The following NRAP variants were observed in gnomAD, a reference collection of about 807,000 sequenced individuals.
NRAP encodes nebulin related anchoring protein, also known as nebulin-related-anchoring protein.
Under a neutral mutation model 225.9 loss-of-function variants are expected in NRAP, and 189 were observed. The observed-to-expected ratio is 0.84, with a 90% CI of 0.74 to 0.94. The LOEUF is 0.94. Ranked by LOEUF, NRAP falls within the 40% of genes least tolerant of loss-of-function variation. The pLI is 0.00. For missense variants in NRAP, 2,176 were observed against 2,168.7 expected (o/e 1.00, Z -0.07); for synonymous variants, 769 against 790.7 (o/e 0.97, Z 0.46).
intron 9 of NRAP, among the ~76,000 whole-genome samples, chr10:113,648,175 A>G (rs192720910): frequency 6.6e-6 from 1 of 152,304 alleles, no homozygotes; most frequent in East Asian, 1.9e-4. Context: ...CAGCTCCAGC[A>G]CCAGGGCTTT....
At chr10:113,604,177 C>T (rs146229438) in intron 35 of NRAP, among the ~76,000 whole-genome samples, 2 of 152,056 alleles carry the variant, frequency 1.3e-5, no homozygotes, top group Non-Finnish European at 2.9e-5. Flanking sequence ...AGTGCAGTGG[C>T]GCGATCTCAG....
chr10:113,635,308 G>A (rs1003385373), intron 14 of NRAP, among the ~76,000 whole-genome samples: 17 of 152,218 alleles, frequency 1.1e-4, no homozygotes, highest in African/African-American at 2.4e-4. Flanking sequence ...GCGATAAGGC[G>A]TGAGGCACTA....
chr10:113,615,203 A>G (rs1267109305), intron 27 of NRAP, among the ~76,000 whole-genome samples: 1 of 152,166 alleles, frequency 6.6e-6, no homozygotes, highest in Non-Finnish European at 1.5e-5. Context: ...AAGGCTTTAG[A>G]GTCAAACAGA....
At chr10:113,615,572 A>G in intron 27 of NRAP, 140 bp downstream of exon 27, 1 of 663,648 alleles carries the variant, frequency 1.5e-6, no homozygotes, top group Non-Finnish European at 2.8e-6. Context: ...CCCTTGTTCA[A>G]AAATATCACA....
intron 30 of NRAP, among the ~76,000 whole-genome samples, chr10:113,610,875 A>G (rs1284375111): frequency 6.6e-6 from 1 of 152,228 alleles, no homozygotes; most frequent in Non-Finnish European, 1.5e-5. Flanking sequence ...ACTGAAGCGG[A>G]TTGTGGTTAG....
At chr10:113,601,867 T>TTTGC (rs1846623760) in intron 35 of NRAP, among the ~76,000 whole-genome samples, 1 of 152,162 alleles carries the variant, frequency 6.6e-6, no homozygotes, top group Non-Finnish European at 1.5e-5. Context: ...ATCGAACCTC[T>TTTGC]TTGCTTTTCT....
At chr10:113,592,643 T>G (rs1013109450) in intron 38 of NRAP, among the ~76,000 whole-genome samples, 1 of 152,196 alleles carries the variant, frequency 6.6e-6, no homozygotes, top group South Asian at 2.1e-4. Context: ...GGTTTGCAGC[T>G]TCTAGGTGCC....
At position 113,617,436 on chromosome 10, in the gene NRAP, T is replaced by C. The variant is rs1293560424; in HGVS notation, c.2973+19A>G. 1.5e-6 allele frequency: 2 copies of C among 1,376,274 alleles called. No homozygotes were observed. The highest frequency in any genetic ancestry group is 2.1e-6 in the Non-Finnish European group (2 of 962,700). The allele number at this position is 1,376,274 out of a possible 1,614,324, so 85.3% of individuals were successfully genotyped here. ...AGAGCCCACTCTTAGAGTCATAATG[T>C]ATATACATTATCACTTACATCCACT... is the stretch of plus-strand genomic sequence containing the variant. On this transcript the variant is annotated intron_variant, in intron 26 of 41. Transcript: ENST00000359988.
At chr10:113,626,278 C>T in intron 20 of NRAP, 133 bp from the exon 21 acceptor site, 2 of 646,952 alleles carry the variant, frequency 3.1e-6, no homozygotes, top group Non-Finnish European at 5.3e-6. Context: ...TCTAGTTGTT[C>T]CTGCAGCTTG....
chr10:113,615,962 T>C (rs1847639937), intron 26 of NRAP, 146 bp from the exon 27 acceptor site: 2 of 647,466 alleles, frequency 3.1e-6, no homozygotes, highest in African/African-American at 1.8e-5. Context: ...ACCCAGATTT[T>C]ACAGCTAGCA....
At chr10:113,662,156 T>C (rs1372888948) in intron 3 of NRAP, among the ~76,000 whole-genome samples, 4 of 152,168 alleles carry the variant, frequency 2.6e-5, no homozygotes. Flanking sequence ...GCACTTTACA[T>C]GTGTATGTGG....
rs1848011131 is a variant in NRAP, at chr10:113,621,881, G to A, written c.2757C>T (p.Gly919=). ...MKVEWAKKAY[G]LQSDNQYRAD... is the part of the protein sequence containing the mutation. ...ACACAGAGCTTACATCACTCTGTAA[G>A]CCATAAGCCTTCTTGGCCCATTCCA... Residue 919 remains glycine (G), a synonymous_variant, in exon 24 of 42, where the codon GGC becomes GGT. Coordinates refer to ENST00000359988, the MANE Select transcript of NRAP (RefSeq NM_198060.4). 1 of 1,610,936 alleles carries A rather than the reference G, an allele frequency of 6.2e-7. No homozygotes were observed. Among genetic ancestry groups the A allele is most frequent in the Non-Finnish European group, 8.5e-7 (1 of 1,177,634 alleles).
Position 113,604,934 on chromosome 10 carries a change from C to G in NRAP, c.3916-14G>C. ...TCTGTAGAGAAACTGCAAGAAAGGG[C>G]TGGCCGGTCAAATTCTATCTGTGCG... On this transcript the variant is annotated splice_polypyrimidine_tract_variant and intron_variant, in intron 34 of 41. Transcript: ENST00000359988. 4 of 1,604,308 alleles carry G rather than the reference C, an allele frequency of 2.5e-6. No homozygotes were observed. The highest frequency in any genetic ancestry group is 3.4e-6 in the Non-Finnish European group (4 of 1,173,278).
chr10:113,617,599 T>A (rs1847745778), intron 25 of NRAP, 46 bp from the exon 26 acceptor site: 1 of 1,099,530 alleles, frequency 9.1e-7, no homozygotes, highest in African/African-American at 1.5e-5. Flanking sequence ...GTGCTGCTCT[T>A]TCATGCCATT....
intron 41 of NRAP, 155 bp from the exon 42 acceptor site, chr10:113,589,234 G>A: frequency 1.6e-6 from 1 of 614,470 alleles, no homozygotes; most frequent in Non-Finnish European, 2.8e-6. Context: ...CAAGAAAAAG[G>A]GCCTTCAAGG....
Position 113,592,238 on chromosome 10 carries a change from T to C in NRAP, c.4600A>G (p.Ile1534Val). Residue 1534 changes from isoleucine to valine, a missense_variant, in exon 39 of 42, where the codon ATC becomes GTC. By Grantham distance (29) the Ile-to-Val change is conservative. Coordinates refer to ENST00000359988, the MANE Select transcript of NRAP (RefSeq NM_198060.4). ...AGSYDFRLDA[I>V]PFQTARASRE... ...GATGCCCGGGCAGTCTGGAAGGGGA[T>C]GGCATCCAGCCTGAAGTCATAACTG... 6.2e-7 allele frequency: 1 copy of C among 1,612,564 alleles called. No individual in the cohort carries two copies. The highest frequency in any genetic ancestry group is 8.5e-7 in the Non-Finnish European group (1 of 1,179,128).
chr10:113,628,985 C>G lies in NRAP; in HGVS notation c.2077G>C (p.Val693Leu). Residue 693 changes from valine (V) to leucine (L), a missense_variant, in exon 20 of 42, where the codon GTT (valine) becomes CTT (leucine). Val to Leu is a conservative substitution (Grantham distance 32, BLOSUM62 1). Coordinates refer to ENST00000359988, the MANE Select transcript of NRAP (RefSeq NM_198060.4). ...YKADLAWMKG[V>L]GWLTEGSLNL... ...AGACTCCCCTCTGTCAGCCACCCAA[C>G]TCCCTTCATCCATGCCAGGTCAGCC... is the stretch of plus-strand genomic sequence containing the variant. The G allele has an allele frequency of 1.9e-6, 3 of 1,613,930 alleles. No individual in the cohort carries two copies. The highest frequency in any genetic ancestry group is 2.5e-6 in the Non-Finnish European group (3 of 1,179,888).
intron 21 of NRAP, among the ~76,000 whole-genome samples, chr10:113,625,448 C>T (rs1313721999): frequency 1.3e-5 from 2 of 152,150 alleles, no homozygotes; most frequent in Non-Finnish European, 2.9e-5. Context: ...TCCTCTCCAC[C>T]CCCAACTTGA....
At chr10:113,617,333 C>T in intron 26 of NRAP, 122 bp downstream of exon 26, 1 of 662,862 alleles carries the variant, frequency 1.5e-6, no homozygotes, top group South Asian at 1.9e-5. Context: ...CTGCAAAGGA[C>T]AGGGAGCGCC....
Sources: gnomAD v4.1 joint callset for allele counts (sites outside exome capture counted in the v4.1 genomes callset) on GRCh38, gnomAD v4.1.1 for gene constraint, MANE v1.5 for transcripts, NCBI Gene and HGNC (gene_info 2026-07-23, HGNC 2026-07-21) for gene names.